The following KALRN variants were observed in gnomAD, a reference collection of about 807,000 sequenced individuals.
The protein encoded by KALRN is kalirin RhoGEF kinase.
In KALRN, 70 loss-of-function variants were observed where a neutral mutation model predicts 353.7. The observed-to-expected ratio is 0.20, with a 90% CI of 0.16 to 0.24. The LOEUF (loss-of-function observed/expected upper bound fraction) is 0.24. Among genes scored for constraint, KALRN ranks in the 10% least tolerant of loss-of-function variants. The probability of loss-of-function intolerance (pLI) is 1.00; values close to 1 mark genes in which losing one functional copy is unlikely to be tolerated. For missense variants in KALRN, 2,791 were observed against 3,756.7 expected, an observed-to-expected ratio of 0.74 and a Z score of 6.72; for synonymous variants, 1,391 against 1,434.8, an observed-to-expected ratio of 0.97 and a Z score of 0.69.
chr3:124,574,241 A>G (rs1042243569), intron 34 of KALRN, among the ~76,000 whole-genome samples: 1 of 152,186 alleles, frequency 6.6e-6, no homozygotes, highest in African/African-American at 2.4e-5. Context: ...CTCTAAATAC[A>G]ACTCAGTGTC....
intron 5 of KALRN, among the ~76,000 whole-genome samples, chr3:124,283,756 T>C (rs2075570021): frequency 6.6e-6 from 1 of 152,200 alleles, no homozygotes; most frequent in Non-Finnish European, 1.5e-5. Context: ...AGAGTGGCCT[T>C]TTAAGGCTTA....
intron 9 of KALRN, among the ~76,000 whole-genome samples, chr3:124,342,915 C>G (rs1020543465): frequency 6.6e-6 from 1 of 152,238 alleles, no homozygotes; most frequent in Non-Finnish European, 1.5e-5. Flanking sequence ...GTACCAGTGA[C>G]TAGTTCTACC....
chr3:124,063,384 C>T (rs991523289), intron 1 of KALRN, among the ~76,000 whole-genome samples: 1 of 152,110 alleles, frequency 6.6e-6, no homozygotes, highest in Non-Finnish European at 1.5e-5. Flanking sequence ...AGGGGAAACA[C>T]TGGGTCATTT....
At chr3:124,154,463 A>T (rs990282122) in intron 1 of KALRN, among the ~76,000 whole-genome samples, 3 of 152,212 alleles carry the variant, frequency 2.0e-5, no homozygotes, top group African/African-American at 7.2e-5. Context: ...CTTATACACG[A>T]ATAACAGACA....
intron 25 of KALRN, among the ~76,000 whole-genome samples, chr3:124,472,619 G>GTA (rs1455674780): frequency 5.9e-5 from 9 of 151,744 alleles, no homozygotes; most frequent in Admixed American, 1.3e-4. Context: ...CTGTGTGTGT[G>GTA]TATATATATG....
At chr3:124,291,648 G>A (rs1339589426) in intron 5 of KALRN, among the ~76,000 whole-genome samples, 1 of 152,150 alleles carries the variant, frequency 6.6e-6, no homozygotes, top group East Asian at 1.9e-4. Flanking sequence ...TGTAAGAAAT[G>A]AGTTAGGGGA....
intron 34 of KALRN, among the ~76,000 whole-genome samples, chr3:124,575,897 C>T (rs1318183016): frequency 6.6e-6 from 1 of 152,150 alleles, no homozygotes; most frequent in African/African-American, 2.4e-5. Flanking sequence ...GTCTCTTTTG[C>T]CATATAAGGT....
chr3:124,587,789 A>T (rs13086469), intron 34 of KALRN, among the ~76,000 whole-genome samples: 43,362 of 141,002 alleles, frequency 0.31, 7,091 homozygotes, highest in Middle Eastern at 0.42. Context: ...CACCACAACC[A>T]GGATCTCCTG....
chr3:124,453,597 T>C (rs1363680236), intron 21 of KALRN, among the ~76,000 whole-genome samples: 2 of 152,240 alleles, frequency 1.3e-5, no homozygotes, highest in Non-Finnish European at 1.5e-5. Flanking sequence ...TCAGTTTCCC[T>C]GATATCTAGA....
chr3:124,109,164 G>A (rs182508894), intron 1 of KALRN, among the ~76,000 whole-genome samples: 80 of 151,980 alleles, frequency 5.3e-4, no homozygotes, highest in Admixed American at 7.9e-4. Flanking sequence ...GTTGTAGTTC[G>A]TCATTTTTGG....
chr3:124,492,422 CA>C (rs1342065920), intron 31 of KALRN, among the ~76,000 whole-genome samples: 1 of 152,170 alleles, frequency 6.6e-6, no homozygotes, highest in Non-Finnish European at 1.5e-5. Context: ...ATCCCTGTCC[CA>C]GGGGGAACTT....
intron 51 of KALRN, among the ~76,000 whole-genome samples, chr3:124,692,205 C>G (rs1366289768): frequency 6.6e-6 from 1 of 152,192 alleles, no homozygotes; most frequent in East Asian, 1.9e-4. Context: ...CGTTGAGAAC[C>G]ACTGATTTAA....
chr3:124,037,555 T>C (rs1231604283), intron 1 of KALRN, among the ~76,000 whole-genome samples: 4 of 151,892 alleles, frequency 2.6e-5, no homozygotes, highest in African/African-American at 4.8e-5. Flanking sequence ...TCATGAAAAA[T>C]GTGGTGTTTG....
intron 5 of KALRN, among the ~76,000 whole-genome samples, chr3:124,277,996 ATGTGTGTGTG>A (rs3054178): frequency 1.4e-5 from 2 of 146,208 alleles, no homozygotes; most frequent in Non-Finnish European, 3.0e-5. Context: ...GAGATGAACT[ATGTGTGTGTG>A]TGTGTGTGTG....
chr3:124,206,455 G>T (rs566546327), intron 1 of KALRN, among the ~76,000 whole-genome samples: 1 of 152,174 alleles, frequency 6.6e-6, no homozygotes, highest in South Asian at 2.1e-4. Context: ...TGTAACAGTC[G>T]TGTGCTTCAG....
At chr3:124,518,779 C>A in intron 33 of KALRN, 1 of 1,282,874 alleles carries the variant, frequency 7.8e-7, no homozygotes, top group Non-Finnish European at 9.9e-7. Context: ...AGATCCCACT[C>A]AGAACAGCAG....
intron 34 of KALRN, among the ~76,000 whole-genome samples, chr3:124,577,257 CTT>C (rs1275549884): frequency 6.6e-6 from 1 of 151,592 alleles, no homozygotes; most frequent in Non-Finnish European, 1.5e-5. Context: ...TGGGGCCTCT[CTT>C]AAGGATAAGT....
At chr3:124,089,640 CT>C (rs112710737) in intron 1 of KALRN, among the ~76,000 whole-genome samples, 188 of 144,476 alleles carry the variant, frequency 1.3e-3, no homozygotes, top group East Asian at 1.4e-3. Context: ...ATATTTCCAG[CT>C]TTTTTTTTTT....
intron 6 of KALRN, among the ~76,000 whole-genome samples, chr3:124,300,671 T>G (rs2077194385): frequency 6.6e-6 from 1 of 152,214 alleles, no homozygotes; most frequent in African/African-American, 2.4e-5. Flanking sequence ...GCAGGATGGT[T>G]GTGAACAGCT....
Sources: allele counts gnomAD v4.1 joint callset (sites outside exome capture counted in the v4.1 genomes callset), GRCh38; gene constraint gnomAD v4.1.1; transcripts MANE v1.5; gene names NCBI Gene and HGNC (gene_info 2026-07-23, HGNC 2026-07-21).